Variants in CGNL1 observed in about 807,000 individuals in gnomAD.
CGNL1 encodes cingulin like 1.
CGNL1 carries 132 observed loss-of-function variants against 141.2 expected under a neutral mutation model. The ratio of observed to expected loss-of-function variants is 0.93; its 90% CI spans 0.81 to 1.08. CGNL1 has a LOEUF of 1.08. Ranked by LOEUF, CGNL1 falls within the 50% of genes least tolerant of loss-of-function variation. The pLI is 0.00. For synonymous variants in CGNL1, 690 were observed against 622.1 expected (o/e 1.11, Z -1.63); for missense variants, 1,870 against 1,588.6 (o/e 1.18, Z -3.01).
intron 8 of CGNL1, among the ~76,000 whole-genome samples, chr15:57,494,523 T>G (rs186840890): frequency 7.2e-5 from 11 of 152,312 alleles, no homozygotes; most frequent in Admixed American, 6.5e-4. Context: ...TCATATGTGA[T>G]TAAGCCATTA....
chr15:57,506,953 T>C (rs768664535), intron 8 of CGNL1, among the ~76,000 whole-genome samples: 1 of 152,226 alleles, frequency 6.6e-6, no homozygotes, highest in Non-Finnish European at 1.5e-5. Flanking sequence ...AACACAAAAT[T>C]CATTTTAAGC....
intron 1 of CGNL1, among the ~76,000 whole-genome samples, chr15:57,408,891 A>C (rs559533927): frequency 6.6e-6 from 1 of 152,168 alleles, no homozygotes; most frequent in East Asian, 1.9e-4. Flanking sequence ...AATACAAAAA[A>C]ATTAGCCAGG....
chr15:57,419,575 G>T (rs924909910), intron 1 of CGNL1, among the ~76,000 whole-genome samples: 1 of 152,128 alleles, frequency 6.6e-6, no homozygotes, highest in Non-Finnish European at 1.5e-5. Flanking sequence ...TATTTGCTAG[G>T]ATTGGAATTT....
At position 57,453,793 on chromosome 15, in the gene CGNL1, A is replaced by G; in HGVS notation, c.2165A>G (p.Asp722Gly). ...CTGGACAGTGCAAAGCGATCGGAGGACAGGGAGAAGGGAGCTCTGATTGAG... is the reference window on the plus strand; with the variant it reads ...CTGGACAGTGCAAAGCGATCGGAGGGCAGGGAGAAGGGAGCTCTGATTGAG... ...DELDSAKRSEDREKGALIEEL... is the reference protein window; with the variant it reads ...DELDSAKRSEGREKGALIEEL... Residue 722 changes from aspartate (D) to glycine (G), a missense_variant, in exon 7 of 19, where the codon GAC becomes GGC. By Grantham distance (94) the Asp-to-Gly change is moderately conservative. Coordinates refer to ENST00000281282, the MANE Select transcript of CGNL1 (RefSeq NM_032866.5). 2 of 1,613,786 alleles carry G rather than the reference A, an allele frequency of 1.2e-6. No individual in the cohort carries two copies. Among genetic ancestry groups the G allele is most frequent in the Non-Finnish European group, 1.7e-6 (2 of 1,179,918 alleles).
chr15:57,512,961 A>C (rs920477222), intron 8 of CGNL1, among the ~76,000 whole-genome samples: 1 of 150,606 alleles, frequency 6.6e-6, no homozygotes, highest in African/African-American at 2.4e-5. Flanking sequence ...TTTTTTTTTT[A>C]AACAGCTGTA....
At chr15:57,518,329 A>G (rs2030989645) in intron 9 of CGNL1, 64 bp from the exon 10 acceptor site, 1 of 1,215,508 alleles carries the variant, frequency 8.2e-7, no homozygotes, top group Non-Finnish European at 1.2e-6. Context: ...ATTTAATTCC[A>G]TTGAGTCAGT....
chr15:57,463,238 A>G (rs11071322), intron 8 of CGNL1, among the ~76,000 whole-genome samples: 52,424 of 151,958 alleles, frequency 0.34, 9,133 homozygotes, highest in Middle Eastern at 0.47. Context: ...GGTGGGGGCT[A>G]TTTATTGGAA....
chr15:57,396,948 A>AAG (rs1485359400), intron 1 of CGNL1: 4 of 152,208 alleles, frequency 2.6e-5, no homozygotes, highest in African/African-American at 9.6e-5. Context: ...GTGGAAGAGA[A>AAG]AGACTCAGAA....
chr15:57,475,257 T>A (rs2063637220), intron 8 of CGNL1, among the ~76,000 whole-genome samples: 1 of 152,196 alleles, frequency 6.6e-6, no homozygotes, highest in African/African-American at 2.4e-5. Flanking sequence ...CCCACCTGCC[T>A]TTGCAACCCT....
intron 3 of CGNL1, among the ~76,000 whole-genome samples, chr15:57,441,738 C>G (rs1389437521): frequency 6.6e-6 from 1 of 152,086 alleles, no homozygotes; most frequent in East Asian, 1.9e-4. Flanking sequence ...GTAAGACAGA[C>G]TTTAGTGGGA....
chr15:57,507,561 G>A (rs1291407918), intron 8 of CGNL1, among the ~76,000 whole-genome samples: 4 of 152,164 alleles, frequency 2.6e-5, no homozygotes, highest in African/African-American at 4.8e-5. Context: ...TCTTTTAGGT[G>A]GTTCTATAAG....
At chr15:57,484,630 G>A (rs1235949278) in intron 8 of CGNL1, among the ~76,000 whole-genome samples, 7 of 152,080 alleles carry the variant, frequency 4.6e-5, no homozygotes, top group Admixed American at 6.6e-5. Flanking sequence ...CATGTGCCAT[G>A]GTGGTTTGCT....
At chr15:57,481,883 A>G (rs942143302) in intron 8 of CGNL1, among the ~76,000 whole-genome samples, 10 of 152,198 alleles carry the variant, frequency 6.6e-5, no homozygotes, top group African/African-American at 2.2e-4. Context: ...CCCAACAGCA[A>G]TGTATGAGTG....
At chr15:57,487,296 C>A (rs530263737) in intron 8 of CGNL1, among the ~76,000 whole-genome samples, 1 of 152,078 alleles carries the variant, frequency 6.6e-6, no homozygotes, top group East Asian at 1.9e-4. Context: ...TTTTCTTGAG[C>A]TTATTCAACT....
chr15:57,528,736 C>T lies in CGNL1; in HGVS notation c.3122C>T (p.Thr1041Met), dbSNP rs771613284. 3.9e-5 allele frequency: 63 copies of T among 1,614,080 alleles called. No homozygotes were observed. The highest frequency in any genetic ancestry group is 6.6e-5 in the South Asian group (6 of 91,078). The change falls in exon 13 of 19, where the codon ACG becomes ATG. Residue 1041 changes from threonine (T) to methionine (M), a missense_variant. Coordinates refer to ENST00000281282, the MANE Select transcript of CGNL1 (RefSeq NM_032866.5). ...ALTKRQLLEQTLKDLEYELEA... is the reference protein window; with the variant it reads ...ALTKRQLLEQMLKDLEYELEA... Reference sequence around the variant, plus strand: ...ACAAAAAGGCAGCTTCTGGAGCAGACGCTGAAGGACCTGGAGTATGAGCTG... The same window carrying T: ...ACAAAAAGGCAGCTTCTGGAGCAGATGCTGAAGGACCTGGAGTATGAGCTG...
intron 1 of CGNL1, among the ~76,000 whole-genome samples, chr15:57,380,490 C>T (rs1168680055): frequency 6.6e-6 from 1 of 152,062 alleles, no homozygotes; most frequent in East Asian, 1.9e-4. Flanking sequence ...ACACAGTGGC[C>T]CGTGGGGTAC....
At chr15:57,543,652 G>C (rs753285340) in intron 14 of CGNL1, 44 bp from the exon 15 acceptor site, 1 of 1,515,780 alleles carries the variant, frequency 6.6e-7, no homozygotes, top group South Asian at 1.1e-5. Context: ...AAAGATACAG[G>C]AACAGTCCTT....
In CGNL1 at chr15:57,391,973, T is replaced by C. The variant is rs371715550; in HGVS notation, c.-16+15406T>C. On this transcript the variant is annotated intron_variant, in intron 1 of 18. Coordinates refer to ENST00000281282, the MANE Select transcript of CGNL1 (RefSeq NM_032866.5). ...AAATAAACACCTTCACATTTTTCTT[T>C]CCCCCCCCTCACCTGACACCATCAC... 3.0e-3 allele frequency among the ~76,000 whole-genome samples: 450 copies of C among 149,680 alleles called. 3 individuals are homozygous for C. Among genetic ancestry groups the C allele is most frequent in the East Asian group, 6.7e-3 (34 of 5,044 alleles).
intron 8 of CGNL1, among the ~76,000 whole-genome samples, chr15:57,487,577 A>G (rs1393021472): frequency 1.8e-4 from 28 of 152,228 alleles, no homozygotes; most frequent in Non-Finnish European, 5.9e-5. Context: ...ATATACTCAG[A>G]TTTTCCTTTT....
Sources: gnomAD v4.1 joint callset for allele counts (sites outside exome capture counted in the v4.1 genomes callset) on GRCh38, gnomAD v4.1.1 for gene constraint, MANE v1.5 for transcripts, NCBI Gene and HGNC (gene_info 2026-07-23, HGNC 2026-07-21) for gene names.